TRIO: variants seen among roughly 807,000 people sequenced by gnomAD.
TRIO encodes triple functional domain protein.
A neutral mutation model predicts 351.9 loss-of-function variants in TRIO; 58 were observed. The ratio of observed to expected loss-of-function variants is 0.16; its 90% CI spans 0.13 to 0.21. The LOEUF (loss-of-function observed/expected upper bound fraction) is 0.21. Among genes scored for constraint, TRIO ranks in the 10% least tolerant of loss-of-function variants. The pLI is 1.00. For missense variants in TRIO, 3,201 were observed against 4,027.8 expected (o/e 0.79, Z 5.56); for synonymous variants, 1,758 against 1,595.7 (o/e 1.10, Z -2.42).
Position 14,465,651 on chromosome 5 carries a change from C to A in TRIO, c.5763+11C>A. ...GTGAAAAGCAAGATGGTGAGGCCTCCCAGAGAAAGTCTGACTTTTGGAAGC... is the reference window on the plus strand; with the variant it reads ...GTGAAAAGCAAGATGGTGAGGCCTCACAGAGAAAGTCTGACTTTTGGAAGC... On this transcript the variant is annotated intron_variant, in intron 37 of 56. Coordinates refer to ENST00000344204, the MANE Select transcript of TRIO (RefSeq NM_007118.4). The A allele has an allele frequency of 6.2e-7, 1 of 1,613,990 alleles. No homozygotes were observed. Among genetic ancestry groups the A allele is most frequent in the East Asian group, 2.2e-5 (1 of 44,874 alleles).
At chr5:14,395,381 GTCC>G (rs1747472686) in intron 28 of TRIO, among the ~76,000 whole-genome samples, 1 of 152,198 alleles carries the variant, frequency 6.6e-6, no homozygotes, top group African/African-American at 2.4e-5. Context: ...ACCTTTCAGT[GTCC>G]TCAAGATGTA....
chr5:14,301,034 C>T (rs994004434), intron 7 of TRIO, among the ~76,000 whole-genome samples: 11 of 152,246 alleles, frequency 7.2e-5, no homozygotes, highest in African/African-American at 2.4e-4. Flanking sequence ...AGGATCCCAG[C>T]TCTGGTTGGT....
At chr5:14,456,005 G>A (rs929633920) in intron 34 of TRIO, among the ~76,000 whole-genome samples, 1 of 152,268 alleles carries the variant, frequency 6.6e-6, no homozygotes, top group African/African-American at 2.4e-5. Context: ...CCCAAGCCCT[G>A]CCCCGCGGGG....
At chr5:14,187,950 G>T (rs190287675) in intron 1 of TRIO, among the ~76,000 whole-genome samples, 6,571 of 152,222 alleles carry the variant, frequency 0.043, 475 homozygotes, top group African/African-American at 0.15. Context: ...TTTATTGCGT[G>T]AGAAGCAGAC....
intron 2 of TRIO, among the ~76,000 whole-genome samples, chr5:14,274,134 T>C (rs150795892): frequency 6.6e-6 from 1 of 152,210 alleles, no homozygotes; most frequent in African/African-American, 2.4e-5. Context: ...AAAAACCCGA[T>C]AGGTATTCAA....
At chr5:14,426,244 A>G (rs890210271) in intron 34 of TRIO, among the ~76,000 whole-genome samples, 2 of 152,200 alleles carry the variant, frequency 1.3e-5, no homozygotes, top group Non-Finnish European at 2.9e-5. Context: ...ACATGTGCAC[A>G]CACACGCACA....
chr5:14,180,556 A>G (rs1241103928), intron 1 of TRIO, among the ~76,000 whole-genome samples: 1 of 152,220 alleles, frequency 6.6e-6, no homozygotes. Flanking sequence ...AATATAGGCC[A>G]GACACAATGG....
chr5:14,201,089 C>T (rs1791078218), intron 1 of TRIO, among the ~76,000 whole-genome samples: 1 of 151,880 alleles, frequency 6.6e-6, no homozygotes, highest in Non-Finnish European at 1.5e-5. Flanking sequence ...GAAACTCCGT[C>T]TCTACTAAAA....
chr5:14,236,803 G>T (rs879328512), intron 1 of TRIO, among the ~76,000 whole-genome samples: 1 of 151,964 alleles, frequency 6.6e-6, no homozygotes, highest in Non-Finnish European at 1.5e-5. Flanking sequence ...AGCCATCATC[G>T]CCAGAAAGAA....
At chr5:14,472,006 A>C (rs1252844615) in intron 38 of TRIO, among the ~76,000 whole-genome samples, 1 of 152,184 alleles carries the variant, frequency 6.6e-6, no homozygotes, top group Non-Finnish European at 1.5e-5. Flanking sequence ...TGTTGGGCAC[A>C]TGAGAGGTGC....
At position 14,497,551 on chromosome 5, in the gene TRIO, G is replaced by A. The variant is rs1756984121; in HGVS notation, c.8020-296G>A. 6.6e-6 allele frequency among the ~76,000 whole-genome samples: 1 copy of A among 152,194 alleles called. No homozygotes were observed. On this transcript the variant is annotated intron_variant, in intron 50 of 56. Coordinates refer to ENST00000344204, the MANE Select transcript of TRIO (RefSeq NM_007118.4). This position sits in a 1 kb window ranked among gnomAD's most constrained non-coding sequence, Gnocchi z 4.4. ...GGGACTCTGAGCGCCAGGGGCCAGG[G>A]CGTTGGCGGCTCTGCATTAGGAACG... is the stretch of plus-strand genomic sequence containing the variant.
intron 1 of TRIO, among the ~76,000 whole-genome samples, chr5:14,217,925 A>C (rs1792324826): frequency 6.6e-6 from 1 of 152,268 alleles, no homozygotes; most frequent in South Asian, 2.1e-4. Context: ...TTGAGAAAAT[A>C]GTAAAAGAAT....
At chr5:14,285,205 T>C (rs1581527694) in intron 3 of TRIO, among the ~76,000 whole-genome samples, 2 of 152,268 alleles carry the variant, frequency 1.3e-5, no homozygotes, top group African/African-American at 4.8e-5. Context: ...GTATTTGAAA[T>C]CATTTCAATT....
At chr5:14,246,232 TATTAA>T (rs1794429281) in intron 1 of TRIO, among the ~76,000 whole-genome samples, 1 of 152,250 alleles carries the variant, frequency 6.6e-6, no homozygotes, top group Non-Finnish European at 1.5e-5. Flanking sequence ...AGATCAACAG[TATTAA>T]ATTTCTGCTA....
intron 1 of TRIO, among the ~76,000 whole-genome samples, chr5:14,209,768 C>T (rs370594046): frequency 6.6e-6 from 1 of 152,348 alleles, no homozygotes; most frequent in East Asian, 1.9e-4. Context: ...AAAGAAAAAA[C>T]ATTCAACAAA....
At chr5:14,293,247 T>C (rs1394858834) in intron 6 of TRIO, 113 bp downstream of exon 6, 33 of 1,437,864 alleles carry the variant, frequency 2.3e-5, no homozygotes, top group Non-Finnish European at 2.7e-5. Context: ...TGGCTGTTGA[T>C]TGTAGCAGCT....
At chr5:14,355,993 G>T (rs917724990) in intron 11 of TRIO, among the ~76,000 whole-genome samples, 2 of 152,256 alleles carry the variant, frequency 1.3e-5, no homozygotes, top group Admixed American at 1.3e-4. Flanking sequence ...TATGAAATTT[G>T]ATAACTTAGA....
Position 14,502,592 on chromosome 5 carries a change from TGG to T in TRIO, c.8348_8349del (p.Gly2783AspfsTer10). Reference protein sequence around the residue: ...SLRVLGPGMDGIMVTWKDNFD... With the variant: ...SLRVLGPGMDXIMVTWKDNFD... ...TTCTTCTTGCAGGTCCAGGGATGGA[TGG>T]GATCATGGTGACCTGGAAAGACAAC... On this transcript the variant is annotated frameshift_variant, in exon 54 of 57. Transcript: ENST00000344204. LOFTEE classifies it high-confidence loss of function. 6.2e-7 allele frequency: 1 copy of T among 1,614,164 alleles called. No homozygotes were observed.
At chr5:14,267,693 T>C (rs1795763677) in intron 1 of TRIO, among the ~76,000 whole-genome samples, 1 of 152,232 alleles carries the variant, frequency 6.6e-6, no homozygotes, top group African/African-American at 2.4e-5. Context: ...CTGCTTTTTA[T>C]TGAAAGTTAC....
Sources: allele counts gnomAD v4.1 joint callset (sites outside exome capture counted in the v4.1 genomes callset), GRCh38; gene constraint gnomAD v4.1.1; non-coding constraint Gnocchi (gnomAD v3.1); transcripts MANE v1.5; gene names NCBI Gene and HGNC (gene_info 2026-07-23, HGNC 2026-07-21).